EXOC6B: variants seen among roughly 807,000 people sequenced by gnomAD.
EXOC6B encodes SEC15 homolog B.
In EXOC6B, 54 loss-of-function variants were observed where a neutral mutation model predicts 113.5. The ratio of observed to expected loss-of-function variants is 0.48; its 90% CI spans 0.38 to 0.60. The LOEUF (loss-of-function observed/expected upper bound fraction) is 0.60, where lower values mean the gene tolerates loss of function less well. Among genes scored for constraint, EXOC6B ranks in the 20% least tolerant of loss-of-function variants. The probability of loss-of-function intolerance (pLI) is 0.00; values close to 1 mark genes in which losing one functional copy is unlikely to be tolerated. For synonymous variants in EXOC6B, 357 were observed against 339.0 expected (o/e 1.05, Z -0.58); for missense variants, 797 against 977.5 (o/e 0.82, Z 2.46).
intron 19 of EXOC6B, among the ~76,000 whole-genome samples, chr2:72,346,811 A>G (rs1298721565): frequency 6.6e-6 from 1 of 152,184 alleles, no homozygotes; most frequent in Admixed American, 6.6e-5. Context: ...GCTATATGGC[A>G]TTGGATTTTC....
rs1685045049 is a variant in EXOC6B at position 72,280,132 on chromosome 2, CTTCA to C, written c.2196+54811_2196+54814del. Among the ~76,000 whole-genome samples the C allele has an allele frequency of 4.6e-5, 7 of 152,168 alleles. No homozygotes were observed. The South Asian group carries it at 1.5e-3, about 32-fold the overall frequency. Reference sequence around the variant, plus strand: ...GGCCTTAGTCATTACAACTTCTGGTCTTCATTAATTTTTTTTATCATTCTAGTTC... The same window carrying C: ...GGCCTTAGTCATTACAACTTCTGGTCTTAATTTTTTTTATCATTCTAGTTC... On this transcript the variant is annotated intron_variant, in intron 20 of 21. Coordinates refer to ENST00000272427, the MANE Select transcript of EXOC6B (RefSeq NM_015189.3).
At chr2:72,649,435 T>C (rs1262230539) in intron 6 of EXOC6B, among the ~76,000 whole-genome samples, 2 of 152,140 alleles carry the variant, frequency 1.3e-5, no homozygotes, top group East Asian at 1.9e-4. Context: ...TTATTACACA[T>C]TGTATGCCTG....
intron 20 of EXOC6B, among the ~76,000 whole-genome samples, chr2:72,235,631 T>C (rs931841639): frequency 2.6e-5 from 4 of 151,624 alleles, no homozygotes; most frequent in Non-Finnish European, 5.9e-5. Flanking sequence ...AGAAACTGAG[T>C]GAAACATAAG....
At chr2:72,581,062 A>G (rs1171631173) in intron 6 of EXOC6B, among the ~76,000 whole-genome samples, 1 of 152,224 alleles carries the variant, frequency 6.6e-6, no homozygotes, top group African/African-American at 2.4e-5. Context: ...CCAAAGCTAC[A>G]ATAACATCCC....
At chr2:72,584,028 A>C (rs1258576896) in intron 6 of EXOC6B, among the ~76,000 whole-genome samples, 1 of 151,938 alleles carries the variant, frequency 6.6e-6, no homozygotes, top group Non-Finnish European at 1.5e-5. Flanking sequence ...CGGCCCCTTA[A>C]GGGAGTTCTA....
chr2:72,298,718 G>A (rs1258578238), intron 20 of EXOC6B, among the ~76,000 whole-genome samples: 4 of 152,106 alleles, frequency 2.6e-5, no homozygotes, highest in Non-Finnish European at 5.9e-5. Flanking sequence ...GTCTGTAAAG[G>A]ATTTTATTTC....
chr2:72,537,973 CT>C (rs200117521), intron 8 of EXOC6B, among the ~76,000 whole-genome samples: 28,438 of 139,784 alleles, frequency 0.2, 4,040 homozygotes, highest in African/African-American at 0.43. Flanking sequence ...ATGACTAAGA[CT>C]TTTTTTTTTT....
At chr2:72,745,585 G>C (rs1304221126) in intron 1 of EXOC6B, among the ~76,000 whole-genome samples, 2 of 152,050 alleles carry the variant, frequency 1.3e-5, no homozygotes, top group Non-Finnish European at 2.9e-5. Context: ...GGTGGATTTT[G>C]TATATATAGG....
intron 17 of EXOC6B, among the ~76,000 whole-genome samples, chr2:72,471,400 C>T (rs1698404638): frequency 6.6e-6 from 1 of 152,038 alleles, no homozygotes; most frequent in African/African-American, 2.4e-5. Flanking sequence ...AAATTTTCTC[C>T]CATTCTGTAG....
intron 5 of EXOC6B, among the ~76,000 whole-genome samples, chr2:72,730,429 C>T (rs1680562242): frequency 6.6e-6 from 1 of 152,010 alleles, no homozygotes; most frequent in Admixed American, 6.6e-5. Flanking sequence ...CAGAAGAGTC[C>T]CTTTGGACTC....
chr2:72,380,371 GGCTCACGCCTGTAATACCA>G (rs1483321855), intron 18 of EXOC6B, among the ~76,000 whole-genome samples: 2 of 152,172 alleles, frequency 1.3e-5, no homozygotes, highest in Non-Finnish European at 2.9e-5. Context: ...CAGGAGCGGT[GGCTCACGCCTGTAATACCA>G]GCACTTTGGG....
intron 6 of EXOC6B, among the ~76,000 whole-genome samples, chr2:72,608,113 A>C (rs189404538): frequency 6.6e-6 from 1 of 152,284 alleles, no homozygotes; most frequent in African/African-American, 2.4e-5. Flanking sequence ...AACAGAACAC[A>C]ACATACAAGA....
rs1711838 is a variant in EXOC6B at position 72,490,968 on chromosome 2, T to C, written c.1665+1350A>G. ...ATTAAATGACATAAAAACAGTTACATGAAGAGTTATAATGAAGAGATAGTT... is the reference window on the plus strand; with the variant it reads ...ATTAAATGACATAAAAACAGTTACACGAAGAGTTATAATGAAGAGATAGTT... On this transcript the variant is annotated intron_variant, in intron 16 of 21. Coordinates refer to ENST00000272427, the MANE Select transcript of EXOC6B (RefSeq NM_015189.3). Among the ~76,000 whole-genome samples, 7 of 152,206 alleles carry C rather than the reference T, an allele frequency of 4.6e-5. No homozygotes were observed. The South Asian group carries it at 6.2e-4, about 14-fold the overall frequency.
intron 20 of EXOC6B, among the ~76,000 whole-genome samples, chr2:72,270,568 C>A (rs1684418412): frequency 6.6e-6 from 1 of 152,138 alleles, no homozygotes; most frequent in South Asian, 2.1e-4. Context: ...CACTTTCCTA[C>A]CCATGCTATC....
At chr2:72,773,713 A>C (rs973474216) in intron 1 of EXOC6B, among the ~76,000 whole-genome samples, 2 of 152,212 alleles carry the variant, frequency 1.3e-5, no homozygotes, top group African/African-American at 2.4e-5. Flanking sequence ...TAGTTAAAAT[A>C]GTTTGTTTTA....
At chr2:72,595,259 T>C (rs1669998567) in intron 6 of EXOC6B, among the ~76,000 whole-genome samples, 1 of 147,918 alleles carries the variant, frequency 6.8e-6, no homozygotes, top group African/African-American at 2.5e-5. Flanking sequence ...AGATTCTGTC[T>C]CAAATATATA....
intron 19 of EXOC6B, among the ~76,000 whole-genome samples, chr2:72,367,129 A>T (rs751129381): frequency 2.0e-5 from 3 of 152,170 alleles, no homozygotes; most frequent in Non-Finnish European, 4.4e-5. Flanking sequence ...AGTAATATGT[A>T]TAACAACAAT....
At chr2:72,645,333 T>C (rs1176952747) in intron 6 of EXOC6B, among the ~76,000 whole-genome samples, 1 of 152,018 alleles carries the variant, frequency 6.6e-6, no homozygotes, top group Non-Finnish European at 1.5e-5. Flanking sequence ...TCCCACACAA[T>C]AATAATGGGA....
At chr2:72,299,028 C>T (rs957902343) in intron 20 of EXOC6B, among the ~76,000 whole-genome samples, 1 of 152,030 alleles carries the variant, frequency 6.6e-6, no homozygotes, top group Non-Finnish European at 1.5e-5. Flanking sequence ...TGAATGTTGG[C>T]CTGCCTTGCT....
Sources: allele counts gnomAD v4.1 joint callset (sites outside exome capture counted in the v4.1 genomes callset), GRCh38; gene constraint gnomAD v4.1.1; transcripts MANE v1.5; gene names NCBI Gene and HGNC (gene_info 2026-07-23, HGNC 2026-07-21).